Variants in MAPDA observed in about 807,000 individuals in gnomAD.
MAPDA encodes N6,N6-dimethyl-AMP deaminase.
At chr15:43,351,848 C>T in the MAPDA span, 2 of 1,551,678 alleles carry the variant, frequency 1.3e-6, no homozygotes, top group African/African-American at 2.7e-5. Flanking sequence ...TGGGATCTGT[C>T]TTATGAATCC....
the MAPDA span, among the ~76,000 whole-genome samples, chr15:43,346,839 A>G: frequency 2.6e-5 from 4 of 152,304 alleles, no homozygotes; most frequent in Admixed American, 2.0e-4. Flanking sequence ...TGCCTTTGCC[A>G]GCTTTGTATT....
the MAPDA span, among the ~76,000 whole-genome samples, chr15:43,342,578 C>T: frequency 2.0e-5 from 3 of 151,990 alleles, no homozygotes; most frequent in South Asian, 2.1e-4. Flanking sequence ...AGCAAAACCC[C>T]GTCTCTACTA....
chr15:43,344,040 C>T, the MAPDA span, among the ~76,000 whole-genome samples: 1 of 152,012 alleles, frequency 6.6e-6, no homozygotes, highest in Non-Finnish European at 1.5e-5. Flanking sequence ...TTGTAAGTTA[C>T]ACACTGCTGG....
the MAPDA span, among the ~76,000 whole-genome samples, chr15:43,331,530 G>A: frequency 6.6e-5 from 10 of 152,336 alleles, no homozygotes; most frequent in African/African-American, 2.2e-4. Context: ...CTGCATAATG[G>A]TTAAGAGTGT....
the MAPDA span, among the ~76,000 whole-genome samples, chr15:43,334,633 T>TTTTATATATATATATATATATATATA: frequency 4.6e-5 from 3 of 65,142 alleles, no homozygotes; most frequent in South Asian, 5.7e-4. Flanking sequence ...CTCAAAAAAA[T>TTTTATATATATATATATATATATATA]TATATATATA....
At chr15:43,334,707 CGTT>C in the MAPDA span, among the ~76,000 whole-genome samples, 11 of 131,204 alleles carry the variant, frequency 8.4e-5, no homozygotes, top group African/African-American at 2.6e-4. Context: ...TTTTTGAAGT[CGTT>C]GTATAGAAGG....
At chr15:43,331,030 C>A in the MAPDA span, among the ~76,000 whole-genome samples, 5 of 152,130 alleles carry the variant, frequency 3.3e-5, no homozygotes, top group Non-Finnish European at 5.9e-5. Context: ...AAAAGAGAAC[C>A]CCATTTAAAA....
the MAPDA span, chr15:43,351,146 C>A: frequency 8.8e-7 from 1 of 1,141,914 alleles, no homozygotes; most frequent in Non-Finnish European, 1.3e-6. Flanking sequence ...GAGGATAATG[C>A]CCAAGTAGAG....
chr15:43,330,700 G>C, the MAPDA span: 23 of 487,076 alleles, frequency 4.7e-5, no homozygotes, highest in Admixed American at 8.9e-4. Flanking sequence ...GCTTGCGGCT[G>C]ACCTTTCTTT....
chr15:43,353,454 G>A, the MAPDA span: 5 of 152,178 alleles, frequency 3.3e-5, no homozygotes, highest in Admixed American at 1.3e-4. Flanking sequence ...CTGTGATATC[G>A]TAAAGTATTT....
chr15:43,350,654 C>T, the MAPDA span, among the ~76,000 whole-genome samples: 1,698 of 152,212 alleles, frequency 0.011, 15 homozygotes, highest in Non-Finnish European at 0.02. Flanking sequence ...TCATGACATT[C>T]CTCTTTCCTC....
At chr15:43,351,569 ATCTTT>A in the MAPDA span, 13 of 589,460 alleles carry the variant, frequency 2.2e-5, no homozygotes, top group Admixed American at 3.0e-4. Flanking sequence ...CTGCTCTGGT[ATCTTT>A]TCTTAAGTAT....
At chr15:43,345,259 C>T in the MAPDA span, among the ~76,000 whole-genome samples, 1 of 150,238 alleles carries the variant, frequency 6.7e-6, no homozygotes, top group African/African-American at 2.5e-5. Context: ...GTGACTGAGG[C>T]AGGAGAATCG....
chr15:43,335,966 A>G, the MAPDA span: 4 of 1,044,208 alleles, frequency 3.8e-6, no homozygotes, highest in Non-Finnish European at 5.4e-6. Flanking sequence ...TTAACATACA[A>G]CATTTTTTTC....
At chr15:43,343,951 A>T in the MAPDA span, among the ~76,000 whole-genome samples, 1 of 151,946 alleles carries the variant, frequency 6.6e-6, no homozygotes, top group Non-Finnish European at 1.5e-5. Context: ...ACATATAGAA[A>T]TACAGAGAAA....
At chr15:43,335,709 A>T in the MAPDA span, 1 of 1,610,812 alleles carries the variant, frequency 6.2e-7, no homozygotes, top group Non-Finnish European at 8.5e-7. Flanking sequence ...CTTCATGCCC[A>T]CTTGAATGGA....
the MAPDA span, among the ~76,000 whole-genome samples, chr15:43,343,946 T>TAGAAATACAG: frequency 2.0e-5 from 3 of 151,666 alleles, no homozygotes; most frequent in African/African-American, 7.3e-5. Flanking sequence ...GGTAGACATA[T>TAGAAATACAG]AGAAATACAG....
At chr15:43,345,633 C>A in the MAPDA span, among the ~76,000 whole-genome samples, 1 of 152,164 alleles carries the variant, frequency 6.6e-6, no homozygotes, top group Non-Finnish European at 1.5e-5. Context: ...CGAAAGACAA[C>A]TGTAAATCTG....
chr15:43,353,051 T>C, the MAPDA span: 1 of 152,100 alleles, frequency 6.6e-6, no homozygotes, highest in Admixed American at 6.5e-5. Context: ...ACAGCTTTTA[T>C]TACATTTTCT....
Sources: gnomAD v4.1 joint callset for allele counts (sites outside exome capture counted in the v4.1 genomes callset) on GRCh38, gnomAD v4.1.1 for gene constraint, MANE v1.5 for transcripts, NCBI Gene and HGNC (gene_info 2026-07-23, HGNC 2026-07-21) for gene names.